NT5M: variants seen among roughly 807,000 people sequenced by gnomAD.
The protein encoded by NT5M is 5',3'-nucleotidase, mitochondrial.
In NT5M, 22 loss-of-function variants were observed where a neutral mutation model predicts 22.2. The ratio of observed to expected loss-of-function variants is 0.99; its 90% CI spans 0.71 to 1.41. The LOEUF (loss-of-function observed/expected upper bound fraction) is 1.41. Ranked by LOEUF, NT5M falls within the 40% of genes most tolerant of loss-of-function variation. The pLI is 0.00. For missense variants in NT5M, 322 were observed against 314.8 expected, an observed-to-expected ratio of 1.02 and a Z score of -0.17; for synonymous variants, 167 against 133.0, an observed-to-expected ratio of 1.26 and a Z score of -1.76.
At chr17:17,324,769 C>A in intron 3 of NT5M, among the ~76,000 whole-genome samples, 1 of 152,190 alleles carries the variant, frequency 6.6e-6, no homozygotes, top group Non-Finnish European at 1.5e-5. Context: ...AACTCCTGGG[C>A]TCAAGTGATC....
chr17:17,328,897 C>G (rs1259617412), intron 3 of NT5M, among the ~76,000 whole-genome samples: 1 of 152,190 alleles, frequency 6.6e-6, no homozygotes, highest in African/African-American at 2.4e-5. Context: ...AATAGCCAAG[C>G]TGGTAGTATA....
chr17:17,332,468 A>C (rs1810721288), intron 3 of NT5M, among the ~76,000 whole-genome samples: 3 of 152,058 alleles, frequency 2.0e-5, no homozygotes, highest in Admixed American at 1.3e-4. Flanking sequence ...TCTTGGAGAG[A>C]GCGCCTCCCC....
At chr17:17,341,854 C>G (rs2049649198) in intron 3 of NT5M, among the ~76,000 whole-genome samples, 1 of 152,106 alleles carries the variant, frequency 6.6e-6, no homozygotes, top group African/African-American at 2.4e-5. Context: ...CGTGGTGAAA[C>G]CCCGTTTCTA....
chr17:17,304,121 A>T (rs1317525235), intron 1 of NT5M, among the ~76,000 whole-genome samples: 1 of 152,198 alleles, frequency 6.6e-6, no homozygotes, highest in Non-Finnish European at 1.5e-5. Flanking sequence ...GTCGTTTGTT[A>T]AATTTTTAGA....
At chr17:17,306,126 C>T (rs1207155621) in intron 1 of NT5M, among the ~76,000 whole-genome samples, 1 of 152,116 alleles carries the variant, frequency 6.6e-6, no homozygotes, top group Non-Finnish European at 1.5e-5. Context: ...CCTCATGGCA[C>T]CTTAAAGATC....
In NT5M at chr17:17,303,715, G is replaced by A. The variant is rs758625133; in HGVS notation, c.165G>A (p.Arg55=). 1 of 1,592,124 alleles carries A rather than the reference G, an allele frequency of 6.3e-7. No homozygotes were observed. The highest frequency in any genetic ancestry group is 1.1e-5 in the South Asian group (1 of 88,274). The change falls in exon 1 of 5, where the codon AGG becomes AGA. Residue 55 remains arginine, a synonymous_variant. Transcript: ENST00000389022. ...VLADFEGGFL[R]KFRARFPDQP... ...CTGACTTCGAGGGCGGATTCCTCAG[G>A]AAGTTCCGCGCGCGCTTTCCCGACC...
intron 1 of NT5M, chr17:17,304,458 A>G: frequency 1.0e-6 from 1 of 983,368 alleles, no homozygotes; most frequent in South Asian, 4.7e-5. Flanking sequence ...CCAAGGAGGG[A>G]CGTTTACACA....
intron 3 of NT5M, among the ~76,000 whole-genome samples, chr17:17,329,675 G>T (rs757156988): frequency 5.3e-5 from 8 of 152,102 alleles, no homozygotes; most frequent in African/African-American, 1.9e-4. Flanking sequence ...TAGAATAAAT[G>T]TCAAAAATTC....
At chr17:17,319,213 GAA>G (rs36091965) in intron 2 of NT5M, among the ~76,000 whole-genome samples, 1 of 133,198 alleles carries the variant, frequency 7.5e-6, no homozygotes, top group African/African-American at 2.9e-5. Flanking sequence ...CCTCGTCTTA[GAA>G]AAAAAAAAAA....
intron 3 of NT5M, among the ~76,000 whole-genome samples, chr17:17,324,095 G>A (rs889646981): frequency 1.1e-4 from 16 of 151,514 alleles, no homozygotes; most frequent in Admixed American, 2.0e-4. Context: ...GGCTGGTCTC[G>A]AACTCCTGAG....
Position 17,303,633 on chromosome 17 carries a change from T to A in NT5M, c.83T>A (p.Leu28Gln). 1.4e-6 allele frequency: 2 copies of A among 1,400,044 alleles called. No homozygotes were observed. The highest frequency in any genetic ancestry group is 1.9e-6 in the Non-Finnish European group (2 of 1,064,514). 86.7% of individuals were successfully genotyped at this position (1,400,044 alleles called of 1,614,324 possible). A position where few individuals can be genotyped will look rare whatever the true frequency, so the allele number is the denominator to read the frequency against. Reference protein sequence around the residue: ...PAGRRGAAGGLGLAGGRALRV... With the variant: ...PAGRRGAAGGQGLAGGRALRV... The stretch of plus-strand genomic sequence containing the variant: ...GGGCGGCGCGGGGCGGCGGGCGGGC[T>A]GGGCCTGGCGGGAGGCCGCGCCCTA... The change falls in exon 1 of 5, where the codon CTG becomes CAG. Residue 28 changes from leucine (L) to glutamine (Q), a missense_variant. Transcript: ENST00000389022.
chr17:17,306,692 G>A (rs1356955304), intron 2 of NT5M, 49 bp downstream of exon 2: 1 of 1,273,250 alleles, frequency 7.9e-7, no homozygotes, highest in Admixed American at 1.7e-5. Context: ...AGCAGCCACT[G>A]AGCCCTGTAC....
At chr17:17,335,725 T>C (rs1462788957) in intron 3 of NT5M, among the ~76,000 whole-genome samples, 1 of 151,552 alleles carries the variant, frequency 6.6e-6, no homozygotes, top group Admixed American at 6.6e-5. Flanking sequence ...CTCTGCCTCC[T>C]GGGTTCAAGC....
chr17:17,311,699 GATAAATAGGTGTCAGAGAAAC>G (rs2048925776), intron 2 of NT5M, among the ~76,000 whole-genome samples: 6 of 152,174 alleles, frequency 3.9e-5, no homozygotes, highest in African/African-American at 1.4e-4. Flanking sequence ...GTTCTAATAT[GATAAATAGGTGTCAGAGAAAC>G]ACAAAATACA....
At chr17:17,332,778 C>T (rs1384073191) in intron 3 of NT5M, among the ~76,000 whole-genome samples, 1 of 152,158 alleles carries the variant, frequency 6.6e-6, no homozygotes, top group African/African-American at 2.4e-5. Flanking sequence ...GAACCTACGT[C>T]AGTGCACCAT....
chr17:17,327,078 ATT>A lies in NT5M; in HGVS notation c.429+3841_429+3842del, dbSNP rs111408448. Among the ~76,000 whole-genome samples, 5 of 36,310 alleles carry A rather than the reference ATT, an allele frequency of 1.4e-4. 2 individuals carry two copies. Among genetic ancestry groups the A allele is most frequent in the Middle Eastern group, 0.034 (2 of 58 alleles). 23.8% of individuals were successfully genotyped at this position (36,310 alleles called of 152,430 possible). ...AGGTGTGCGCCACCACACCCGGCTA[ATT>A]TTTTTTTGTATTTTTAGTAGAAACA... On this transcript the variant is annotated intron_variant, in intron 3 of 4. Coordinates refer to ENST00000389022, the MANE Select transcript of NT5M (RefSeq NM_020201.4).
Position 17,303,547 on chromosome 17 carries a change from GGC to G in NT5M, c.-3_-2del. The G allele has an allele frequency of 9.4e-7, 1 of 1,068,026 alleles. No homozygotes were observed. The highest frequency in any genetic ancestry group is 1.1e-6 in the Non-Finnish European group (1 of 883,848). 66.2% of individuals were successfully genotyped at this position (1,068,026 alleles called of 1,614,324 possible). On this transcript the variant is annotated 5_prime_UTR_variant, in exon 1 of 5. Coordinates refer to ENST00000389022, the MANE Select transcript of NT5M (RefSeq NM_020201.4). ...GCGCCCACGACGGGCCAGCGCGCTG[GGC>G]CATGATCCGGCTGGGCGGCTGGTGT...
Position 17,303,411 on chromosome 17 carries a change from C to T in NT5M, c.-140C>T, listed in dbSNP as rs1431989886. ...TACTTGCGCGCCCGCACCCCGCGCT[C>T]CCCGCCCCGCTCCCCGTCCCGCGCT... is the stretch of plus-strand genomic sequence containing the variant. On this transcript the variant is annotated 5_prime_UTR_variant, in exon 1 of 5. Transcript: ENST00000389022. 38 of 968,250 alleles carry T rather than the reference C, an allele frequency of 3.9e-5. No individual in the cohort carries two copies. Among genetic ancestry groups the T allele is most frequent in the South Asian group, 4.8e-5 (1 of 20,854 alleles). 60.0% of individuals were successfully genotyped at this position (968,250 alleles called of 1,614,324 possible).
chr17:17,332,360 C>G (rs2049406401), intron 3 of NT5M, among the ~76,000 whole-genome samples: 1 of 152,136 alleles, frequency 6.6e-6, no homozygotes, highest in Non-Finnish European at 1.5e-5. Context: ...CCAGCACTGT[C>G]CTCTGCCAGC....
Sources: gnomAD v4.1 joint callset for allele counts (sites outside exome capture counted in the v4.1 genomes callset) on GRCh38, gnomAD v4.1.1 for gene constraint, MANE v1.5 for transcripts, NCBI Gene and HGNC (gene_info 2026-07-23, HGNC 2026-07-21) for gene names.